Variants in ABLIM1 observed in about 807,000 individuals in gnomAD.
ABLIM1 encodes actin-binding LIM protein 1.
ABLIM1 carries 40 observed loss-of-function variants against 107.0 expected under a neutral mutation model. The observed-to-expected ratio is 0.37, with a 90% CI of 0.29 to 0.49. The LOEUF (loss-of-function observed/expected upper bound fraction) is 0.49, where lower values mean the gene tolerates loss of function less well. Ranked by LOEUF, ABLIM1 falls within the 20% of genes least tolerant of loss-of-function variation. The probability of loss-of-function intolerance (pLI) is 0.97; values close to 1 mark genes in which losing one functional copy is unlikely to be tolerated. For synonymous variants in ABLIM1, 357 were observed against 357.3 expected, an observed-to-expected ratio of 1.00 and a Z score of 0.01; for missense variants, 857 against 1,008.5, an observed-to-expected ratio of 0.85 and a Z score of 2.04.
intron 14 of ABLIM1, among the ~76,000 whole-genome samples, chr10:114,449,672 A>G (rs1447349350): frequency 6.6e-6 from 1 of 152,206 alleles, no homozygotes; most frequent in Non-Finnish European, 1.5e-5. Context: ...AAAACACTAC[A>G]TAGGAAATCC....
At position 114,557,679 on chromosome 10, in the gene ABLIM1, T is replaced by G. The variant is rs867439005; in HGVS notation, c.674-9903A>C. ...TAGCTCCATAGTGAGGTGTTTTTTT[T>G]TTTTTTTTTTTTTTGGATAAATATA... On this transcript the variant is annotated intron_variant, in intron 4 of 22. Coordinates refer to ENST00000533213, the MANE Select transcript of ABLIM1 (RefSeq NM_002313.7). 4.0e-5 allele frequency among the ~76,000 whole-genome samples: 6 copies of G among 149,462 alleles called. 1 individual carries two copies. The South Asian group carries it at 1.1e-3, about 27-fold the overall frequency.
At chr10:114,663,673 A>G (rs1016534401) in intron 1 of ABLIM1, among the ~76,000 whole-genome samples, 1 of 152,226 alleles carries the variant, frequency 6.6e-6, no homozygotes, top group African/African-American at 2.4e-5. Context: ...GTGCCACTGA[A>G]CTGGAAGGCA....
chr10:114,799,773 G>A, the ABLIM1 span, among the ~76,000 whole-genome samples: 2 of 151,644 alleles, frequency 1.3e-5, no homozygotes, highest in African/African-American at 2.4e-5. Context: ...GGCATCATCT[G>A]GAATGATTTT....
intron 7 of ABLIM1, among the ~76,000 whole-genome samples, chr10:114,490,274 G>A (rs149775843): frequency 5.3e-4 from 80 of 152,286 alleles, no homozygotes; most frequent in East Asian, 3.9e-4. Flanking sequence ...TCAAAATTCC[G>A]TGATGTTTTT....
intron 1 of ABLIM1, among the ~76,000 whole-genome samples, chr10:114,711,991 A>G (rs1233990408): frequency 6.6e-6 from 1 of 152,116 alleles, no homozygotes; most frequent in Non-Finnish European, 1.5e-5. Context: ...TCGGAGGAGC[A>G]TGTGGAAAAT....
intron 1 of ABLIM1, among the ~76,000 whole-genome samples, chr10:114,741,601 A>C (rs917838834): frequency 6.6e-6 from 1 of 152,108 alleles, no homozygotes; most frequent in African/African-American, 2.4e-5. Flanking sequence ...CCAATAACTG[A>C]GAAGAAATAT....
intron 1 of ABLIM1, among the ~76,000 whole-genome samples, chr10:114,634,981 C>A (rs1463390274): frequency 2.0e-5 from 3 of 152,192 alleles, no homozygotes; most frequent in African/African-American, 7.2e-5. Flanking sequence ...TACTTTACAG[C>A]TAAAGCTGCA....
chr10:114,526,852 T>C, intron 6 of ABLIM1: 8 of 985,422 alleles, frequency 8.1e-6, no homozygotes, highest in Non-Finnish European at 9.6e-6. Context: ...GCAACGTGCA[T>C]CCCTCTAGAG....
At chr10:114,627,084 G>A (rs747297262) in intron 1 of ABLIM1, among the ~76,000 whole-genome samples, 1 of 152,126 alleles carries the variant, frequency 6.6e-6, no homozygotes, top group East Asian at 1.9e-4. Flanking sequence ...CTCAGTCTGT[G>A]GTACTTTGTT....
intron 6 of ABLIM1, among the ~76,000 whole-genome samples, chr10:114,538,114 G>A (rs1255597102): frequency 6.6e-6 from 1 of 152,162 alleles, no homozygotes; most frequent in African/African-American, 2.4e-5. Flanking sequence ...CAAAAAGAAG[G>A]AAGGGGACAA....
rs141963800 is a variant in ABLIM1, at chr10:114,538,802, G to A, written c.894+6203C>T. On this transcript the variant is annotated intron_variant, in intron 6 of 22. Transcript: ENST00000533213. The stretch of plus-strand genomic sequence containing the variant: ...CTGCAGTGTGGGACGAGGGCCGAGC[G>A]CCTTTGTCCTGAGTGAACCAGTGCA... Among the ~76,000 whole-genome samples, 14 of 152,322 alleles carry A rather than the reference G, an allele frequency of 9.2e-5. 1 individual carries two copies. The East Asian group carries it at 2.5e-3, about 27-fold the overall frequency.
chr10:114,512,194 GT>G (rs1036317004), intron 6 of ABLIM1, among the ~76,000 whole-genome samples: 4 of 152,134 alleles, frequency 2.6e-5, no homozygotes, highest in Admixed American at 1.3e-4. Flanking sequence ...ACAAAAGGAT[GT>G]TTTTTTCCTG....
chr10:114,485,723 C>T (rs1038024846), intron 8 of ABLIM1, among the ~76,000 whole-genome samples: 1 of 152,122 alleles, frequency 6.6e-6, no homozygotes, highest in Non-Finnish European at 1.5e-5. Context: ...ACAAATGCCC[C>T]ATGAGTTCTT....
the ABLIM1 span, among the ~76,000 whole-genome samples, chr10:114,789,508 A>C: frequency 6.6e-6 from 1 of 152,160 alleles, no homozygotes; most frequent in Non-Finnish European, 1.5e-5. Flanking sequence ...GGATTGTTAC[A>C]TAGGTAAACT....
chr10:114,535,751 A>T (rs4751583), intron 6 of ABLIM1, among the ~76,000 whole-genome samples: 73,943 of 151,994 alleles, frequency 0.49, 18,364 homozygotes, highest in Non-Finnish European at 0.54. Context: ...AAAGTATATA[A>T]TTCAGTAATT....
chr10:114,497,226 G>C (rs1026234468), intron 6 of ABLIM1, among the ~76,000 whole-genome samples: 1 of 152,188 alleles, frequency 6.6e-6, no homozygotes, highest in South Asian at 2.1e-4. Flanking sequence ...GGCAGACAAC[G>C]GCATGAAGGT....
At chr10:114,518,275 C>T (rs2063207377) in intron 6 of ABLIM1, among the ~76,000 whole-genome samples, 1 of 152,030 alleles carries the variant, frequency 6.6e-6, no homozygotes, top group South Asian at 2.1e-4. Flanking sequence ...ACACTATAGA[C>T]CCAACTCTCA....
chr10:114,628,727 T>C (rs933456581), intron 1 of ABLIM1, among the ~76,000 whole-genome samples: 1 of 152,256 alleles, frequency 6.6e-6, no homozygotes, highest in Admixed American at 6.5e-5. Context: ...TCCCAAACCA[T>C]AAGCATTCTT....
At chr10:114,522,726 G>A (rs1397739978) in intron 6 of ABLIM1, among the ~76,000 whole-genome samples, 2 of 152,222 alleles carry the variant, frequency 1.3e-5, no homozygotes, top group South Asian at 2.1e-4. Flanking sequence ...CAGGCTTGGC[G>A]AATAATAAAG....
Sources: gnomAD v4.1 joint callset for allele counts (sites outside exome capture counted in the v4.1 genomes callset) on GRCh38, gnomAD v4.1.1 for gene constraint, MANE v1.5 for transcripts, NCBI Gene and HGNC (gene_info 2026-07-23, HGNC 2026-07-21) for gene names.